The following NRXN3 variants were observed in gnomAD, a reference collection of about 807,000 sequenced individuals.
NRXN3 encodes neurexin III.
NRXN3 carries 32 observed loss-of-function variants against 137.6 expected under a neutral mutation model. The ratio of observed to expected loss-of-function variants is 0.23; its 90% confidence interval spans 0.18 to 0.31. NRXN3 has a LOEUF of 0.31. NRXN3 is among the 10% of genes least tolerant of loss of function. The probability of loss-of-function intolerance (pLI) is 1.00; values close to 1 mark genes in which losing one functional copy is unlikely to be tolerated. For synonymous variants in NRXN3, 798 were observed against 784.5 expected, an observed-to-expected ratio of 1.02 and a Z score of -0.29; for missense variants, 1,574 against 2,062.5, an observed-to-expected ratio of 0.76 and a Z score of 4.59.
chr14:79,771,487 A>G (rs1479452756), intron 19 of NRXN3, among the ~76,000 whole-genome samples: 2 of 151,852 alleles, frequency 1.3e-5, no homozygotes, highest in Non-Finnish European at 2.9e-5. Context: ...AAATCAATCA[A>G]TGTAATCCAG....
chr14:79,123,794 G>C (rs2055904223), intron 15 of NRXN3, among the ~76,000 whole-genome samples: 2 of 152,200 alleles, frequency 1.3e-5, no homozygotes, highest in African/African-American at 4.8e-5. Context: ...CTGTATACAT[G>C]AATAAGCAGA....
chr14:78,310,369 G>A (rs1053735261), intron 4 of NRXN3, among the ~76,000 whole-genome samples: 2 of 151,426 alleles, frequency 1.3e-5, no homozygotes, highest in Admixed American at 6.6e-5. Context: ...GGATTTTGTG[G>A]GTTGTCGCAG....
intron 1 of NRXN3, among the ~76,000 whole-genome samples, chr14:78,181,121 T>C (rs1052575261): frequency 6.6e-6 from 1 of 152,224 alleles, no homozygotes; most frequent in African/African-American, 2.4e-5. Context: ...TGGAGGTAAT[T>C]GGTCACACAC....
At chr14:78,183,789 A>T (rs926748225) in intron 1 of NRXN3, among the ~76,000 whole-genome samples, 7 of 152,164 alleles carry the variant, frequency 4.6e-5, no homozygotes, top group Non-Finnish European at 7.4e-5. Flanking sequence ...AGCTCCCTCC[A>T]TACTGGGCTC....
chr14:78,449,979 T>C (rs761479134), intron 4 of NRXN3, among the ~76,000 whole-genome samples: 10 of 152,202 alleles, frequency 6.6e-5, no homozygotes, highest in Admixed American at 4.6e-4. Context: ...TCATTTCCTA[T>C]GTCTTCAAAC....
intron 16 of NRXN3, among the ~76,000 whole-genome samples, chr14:79,606,954 C>A (rs1229956758): frequency 6.6e-6 from 1 of 152,166 alleles, no homozygotes; most frequent in Non-Finnish European, 1.5e-5. Context: ...TGTAAGTCAT[C>A]CTGTTTGGCT....
intron 4 of NRXN3, among the ~76,000 whole-genome samples, chr14:78,512,414 C>A (rs1274892688): frequency 6.6e-6 from 1 of 152,174 alleles, no homozygotes; most frequent in Non-Finnish European, 1.5e-5. Flanking sequence ...TTTATATGAG[C>A]TAGATTTGCC....
At chr14:78,472,916 CTTT>C (rs11407621) in intron 4 of NRXN3, among the ~76,000 whole-genome samples, 120 of 140,424 alleles carry the variant, frequency 8.5e-4, no homozygotes, top group African/African-American at 3.0e-3. Flanking sequence ...GAGAAAATGT[CTTT>C]TTTTTTTTTT....
chr14:78,360,273 A>ACCGT (rs1396744720), intron 4 of NRXN3, among the ~76,000 whole-genome samples: 1 of 152,120 alleles, frequency 6.6e-6, no homozygotes, highest in African/African-American at 2.4e-5. Context: ...ACTGAATTAG[A>ACCGT]CCGTCTAGGG....
intron 10 of NRXN3, among the ~76,000 whole-genome samples, chr14:78,814,419 A>T (rs990283032): frequency 1.8e-4 from 28 of 152,152 alleles, no homozygotes; most frequent in Admixed American, 1.7e-3. Flanking sequence ...GATCGAGACC[A>T]TCCTGGCCAA....
At chr14:79,405,724 C>T (rs2153502997) in intron 15 of NRXN3, among the ~76,000 whole-genome samples, 1 of 152,270 alleles carries the variant, frequency 6.6e-6, no homozygotes, top group East Asian at 1.9e-4. Flanking sequence ...TCTTAGTCAA[C>T]AGCCTGCCCC....
At chr14:78,216,187 G>A (rs1320556022) in intron 1 of NRXN3, among the ~76,000 whole-genome samples, 4 of 147,100 alleles carry the variant, frequency 2.7e-5, no homozygotes, top group Non-Finnish European at 6.1e-5. Context: ...TATATTCAAA[G>A]ACAGATTTTT....
intron 15 of NRXN3, among the ~76,000 whole-genome samples, chr14:79,412,573 G>A (rs941199792): frequency 2.0e-5 from 3 of 151,598 alleles, no homozygotes; most frequent in African/African-American, 7.3e-5. Context: ...GAGTTCAGGA[G>A]TTTGAGACCA....
At position 78,807,108 on chromosome 14, in the gene NRXN3, A is replaced by G. The variant is rs143242472; in HGVS notation, c.2249-3210A>G. On this transcript the variant is annotated intron_variant, in intron 9 of 20. Coordinates refer to ENST00000335750, the MANE Select transcript of NRXN3 (RefSeq NM_001330195.2). ...GATGTGTTAGTCTTAATGGCTTCCA[A>G]TTGTTTTTATGATGGTCACCTTTGA... Among the ~76,000 whole-genome samples, 581 of 152,276 alleles carry G rather than the reference A, an allele frequency of 3.8e-3. 6 individuals carry two copies. The highest frequency in any genetic ancestry group is 0.013 in the African/African-American group (558 of 41,570).
intron 16 of NRXN3, among the ~76,000 whole-genome samples, chr14:79,662,345 A>T (rs1309191404): frequency 6.6e-6 from 1 of 152,156 alleles, no homozygotes; most frequent in African/African-American, 2.4e-5. Context: ...TGTCTTTCCA[A>T]GAGCTTAAGA....
At chr14:78,887,361 T>C (rs2099146549) in intron 10 of NRXN3, among the ~76,000 whole-genome samples, 1 of 152,030 alleles carries the variant, frequency 6.6e-6, no homozygotes, top group Admixed American at 6.6e-5. Context: ...AGAGAAAGAT[T>C]ATTTTATCTT....
intron 10 of NRXN3, among the ~76,000 whole-genome samples, chr14:78,953,778 T>C (rs1426869910): frequency 6.6e-6 from 1 of 152,124 alleles, no homozygotes; most frequent in Non-Finnish European, 1.5e-5. Context: ...TCAATATTTA[T>C]TACTTAAACT....
At chr14:78,650,118 G>T (rs1377680493) in intron 5 of NRXN3, among the ~76,000 whole-genome samples, 1 of 151,904 alleles carries the variant, frequency 6.6e-6, no homozygotes, top group Non-Finnish European at 1.5e-5. Flanking sequence ...TTTAGTAAGG[G>T]AGGTGGCAGG....
At chr14:79,757,293 C>T (rs1446526951) in intron 19 of NRXN3, among the ~76,000 whole-genome samples, 1 of 152,134 alleles carries the variant, frequency 6.6e-6, no homozygotes, top group Admixed American at 6.6e-5. Context: ...AACATGTTTG[C>T]TCTTGATGGG....
Sources: allele counts gnomAD v4.1 joint callset (sites outside exome capture counted in the v4.1 genomes callset), GRCh38; gene constraint gnomAD v4.1.1; transcripts MANE v1.5; gene names NCBI Gene and HGNC (gene_info 2026-07-23, HGNC 2026-07-21).